NUBPL: variants seen among roughly 807,000 people sequenced by gnomAD.
The protein encoded by NUBPL is NUBP iron-sulfur cluster assembly factor, mitochondrial, also known as iron-sulfur cluster transfer protein NUBPL.
A neutral mutation model predicts 45.7 loss-of-function variants in NUBPL; 31 were observed. That is an observed-to-expected ratio of 0.68 (90% CI 0.51 to 0.92). The LOEUF (loss-of-function observed/expected upper bound fraction) is 0.92, where lower values mean the gene tolerates loss of function less well. NUBPL is among the 40% of genes least tolerant of loss of function. NUBPL has a pLI of 0.00. For missense variants in NUBPL, 401 were observed against 398.7 expected (o/e 1.01, Z -0.05); for synonymous variants, 144 against 140.9 (o/e 1.02, Z -0.15).
At chr14:31,639,696 C>T (rs555061735) in intron 4 of NUBPL, among the ~76,000 whole-genome samples, 3 of 152,334 alleles carry the variant, frequency 2.0e-5, no homozygotes, top group Admixed American at 6.5e-5. Flanking sequence ...ATGGAGCCTA[C>T]AGAGGCAGGC....
intron 6 of NUBPL, among the ~76,000 whole-genome samples, chr14:31,764,037 T>C (rs1487114414): frequency 6.6e-6 from 1 of 152,068 alleles, no homozygotes; most frequent in Non-Finnish European, 1.5e-5. Flanking sequence ...CCATAGATGA[T>C]TGAGTTAGTT....
intron 6 of NUBPL, among the ~76,000 whole-genome samples, chr14:31,717,394 G>A (rs1216678504): frequency 2.6e-5 from 4 of 152,104 alleles, no homozygotes; most frequent in Admixed American, 6.5e-5. Flanking sequence ...GCAGCATGTT[G>A]AAAGGGCCAC....
intron 3 of NUBPL, among the ~76,000 whole-genome samples, chr14:31,570,994 C>T (rs1435845160): frequency 6.6e-6 from 1 of 152,216 alleles, no homozygotes; most frequent in African/African-American, 2.4e-5. Context: ...TCAATATCCT[C>T]TGCCATCTGG....
chr14:31,798,243 G>A (rs552541982), intron 7 of NUBPL, among the ~76,000 whole-genome samples: 17 of 149,788 alleles, frequency 1.1e-4, no homozygotes, highest in African/African-American at 4.2e-4. Flanking sequence ...AAGGAAACGT[G>A]CATTTTATTT....
At chr14:31,721,985 A>C (rs1228773673) in intron 6 of NUBPL, among the ~76,000 whole-genome samples, 2 of 151,978 alleles carry the variant, frequency 1.3e-5, no homozygotes, top group African/African-American at 4.8e-5. Context: ...TCCATGGTGT[A>C]TATGTACCAC....
At chr14:31,579,235 G>A (rs1002415575) in intron 3 of NUBPL, among the ~76,000 whole-genome samples, 5 of 152,066 alleles carry the variant, frequency 3.3e-5, no homozygotes, top group Admixed American at 2.0e-4. Context: ...TATTTGGGGT[G>A]GCTTAAATAA....
At chr14:31,783,908 A>G (rs553536828) in intron 6 of NUBPL, among the ~76,000 whole-genome samples, 101 of 152,352 alleles carry the variant, frequency 6.6e-4, no homozygotes, top group Middle Eastern at 3.4e-3. Context: ...AATTATTGGC[A>G]CCAGTCATTT....
chr14:31,801,869 G>T (rs567839920), intron 7 of NUBPL, among the ~76,000 whole-genome samples: 102 of 152,262 alleles, frequency 6.7e-4, no homozygotes, highest in African/African-American at 2.4e-3. Flanking sequence ...TGTAAATCCT[G>T]TTTTGATTTC....
At chr14:31,587,740 A>G (rs1454202638) in intron 3 of NUBPL, among the ~76,000 whole-genome samples, 1 of 152,188 alleles carries the variant, frequency 6.6e-6, no homozygotes, top group South Asian at 2.1e-4. Context: ...ATGCTACTTA[A>G]TATTTACTAG....
At chr14:31,794,507 T>G (rs1306618362) in intron 7 of NUBPL, among the ~76,000 whole-genome samples, 1 of 5,278 alleles carries the variant, frequency 1.9e-4, no homozygotes, top group Non-Finnish European at 2.9e-4. Context: ...CTTCATGTGT[T>G]TTTTGGCTGC....
chr14:31,833,580 G>C (rs1468453398), intron 8 of NUBPL, among the ~76,000 whole-genome samples: 1 of 152,142 alleles, frequency 6.6e-6, no homozygotes, highest in African/African-American at 2.4e-5. Context: ...AATATATAAT[G>C]ATACAAATAC....
intron 7 of NUBPL, among the ~76,000 whole-genome samples, chr14:31,823,559 A>G (rs2138956345): frequency 6.6e-6 from 1 of 152,216 alleles, no homozygotes; most frequent in South Asian, 2.1e-4. Context: ...AATACCCCTT[A>G]AATAAGATTA....
At chr14:31,678,698 T>C (rs1166130653) in intron 6 of NUBPL, among the ~76,000 whole-genome samples, 2 of 152,206 alleles carry the variant, frequency 1.3e-5, no homozygotes, top group Non-Finnish European at 2.9e-5. Flanking sequence ...CCCTCTCCTG[T>C]CCTGAAGTGA....
intron 4 of NUBPL, among the ~76,000 whole-genome samples, chr14:31,646,047 G>A (rs1333695011): frequency 1.3e-5 from 2 of 152,000 alleles, no homozygotes; most frequent in Non-Finnish European, 2.9e-5. Context: ...ACTCCCTTTA[G>A]GATTTCTTGT....
At chr14:31,800,823 C>A (rs961470463) in intron 7 of NUBPL, 1 of 152,106 alleles carries the variant, frequency 6.6e-6, no homozygotes, top group Non-Finnish European at 1.5e-5. Context: ...AGCATGTTTT[C>A]TCTTTTTAAG....
At chr14:31,694,640 T>C (rs1304670352) in intron 6 of NUBPL, among the ~76,000 whole-genome samples, 1 of 152,160 alleles carries the variant, frequency 6.6e-6, no homozygotes, top group South Asian at 2.1e-4. Flanking sequence ...CTCAACCTCC[T>C]GAGTAGCTGG....
chr14:31,831,469 A>G (rs76262145), intron 8 of NUBPL, among the ~76,000 whole-genome samples: 39 of 16,954 alleles, frequency 2.3e-3, no homozygotes, highest in Non-Finnish European at 0.013. Flanking sequence ...ATACTGTACT[A>G]TACCATACCA....
At chr14:31,635,734 C>T (rs924802202) in intron 4 of NUBPL, among the ~76,000 whole-genome samples, 6 of 151,554 alleles carry the variant, frequency 4.0e-5, no homozygotes, top group African/African-American at 1.5e-4. Flanking sequence ...ATGGAATGTT[C>T]TTCCATTTGT....
chr14:31,621,763 T>A (rs1039231228), intron 4 of NUBPL, among the ~76,000 whole-genome samples: 2 of 152,222 alleles, frequency 1.3e-5, no homozygotes, highest in Non-Finnish European at 2.9e-5. Flanking sequence ...CCTAAACGTC[T>A]TTTTTAAAAT....
Sources: gnomAD v4.1 joint callset for allele counts (sites outside exome capture counted in the v4.1 genomes callset) on GRCh38, gnomAD v4.1.1 for gene constraint, MANE v1.5 for transcripts, NCBI Gene and HGNC (gene_info 2026-07-23, HGNC 2026-07-21) for gene names.